ZC3H12B: variants seen among roughly 807,000 people sequenced by gnomAD.
ZC3H12B encodes probable ribonuclease ZC3H12B.
In ZC3H12B, 7 loss-of-function variants were observed where a neutral mutation model predicts 43.9. The observed-to-expected ratio is 0.16, with a 90% CI of 0.09 to 0.30. The LOEUF (loss-of-function observed/expected upper bound fraction) is 0.30. ZC3H12B is among the 10% of genes least tolerant of loss of function. The pLI is 1.00. For synonymous variants in ZC3H12B, 222 were observed against 241.7 expected, an observed-to-expected ratio of 0.92 and a Z score of 0.76; for missense variants, 475 against 670.2, an observed-to-expected ratio of 0.71 and a Z score of 3.22.
chrX:65,117,101 T>A, the ZC3H12B span, among the ~76,000 whole-genome samples: 5 of 111,876 alleles, frequency 4.5e-5, no homozygotes, highest in African/African-American at 1.6e-4. Context: ...GGTCAAATGG[T>A]ATGTCTAGTT....
the ZC3H12B span, among the ~76,000 whole-genome samples, chrX:65,296,381 G>A: frequency 9.0e-6 from 1 of 110,879 alleles, no homozygotes; most frequent in Non-Finnish European, 1.9e-5. Flanking sequence ...AGGGATAAAA[G>A]ACTACACATT....
the ZC3H12B span, among the ~76,000 whole-genome samples, chrX:65,174,483 C>A: frequency 7.1e-5 from 8 of 111,923 alleles, no homozygotes; most frequent in East Asian, 2.3e-3. Context: ...CCCACATCCA[C>A]CCCTTCCCCA....
the ZC3H12B span, among the ~76,000 whole-genome samples, chrX:65,057,355 C>T: frequency 9.0e-6 from 1 of 111,481 alleles, no homozygotes; most frequent in Non-Finnish European, 1.9e-5. Context: ...CTTAGTTTGG[C>T]TGGATATGAA....
the ZC3H12B span, among the ~76,000 whole-genome samples, chrX:65,267,187 TTTTC>T: frequency 1.4e-4 from 14 of 98,959 alleles, no homozygotes; most frequent in Non-Finnish European, 2.7e-4. Context: ...AGAGTATTTT[TTTTC>T]TTTCTTTCTT....
chrX:65,238,968 G>T, the ZC3H12B span, among the ~76,000 whole-genome samples: 1,533 of 111,473 alleles, frequency 0.014, 14 homozygotes, highest in Non-Finnish European at 0.019. Flanking sequence ...GATGTCAGGG[G>T]TTTTTTTATT....
At chrX:65,280,099 A>T in the ZC3H12B span, among the ~76,000 whole-genome samples, 1 of 112,237 alleles carries the variant, frequency 8.9e-6, no homozygotes, top group African/African-American at 3.2e-5. Flanking sequence ...GGACACAACA[A>T]AAAAGGAAAA....
the ZC3H12B span, among the ~76,000 whole-genome samples, chrX:65,106,484 G>C: frequency 4.5e-5 from 5 of 111,698 alleles, no homozygotes; most frequent in African/African-American, 1.6e-4. Flanking sequence ...AAGAAGACAA[G>C]ATCAGAGGAA....
chrX:65,243,642 T>A, the ZC3H12B span, among the ~76,000 whole-genome samples: 1 of 111,756 alleles, frequency 8.9e-6, no homozygotes, highest in African/African-American at 3.2e-5. Flanking sequence ...AGGATGAAAA[T>A]CAGTATATTC....
intron 3 of ZC3H12B, among the ~76,000 whole-genome samples, chrX:65,401,477 C>T (rs1484668400): frequency 8.9e-6 from 1 of 111,734 alleles, no homozygotes; most frequent in African/African-American, 3.3e-5. Context: ...TGCTCTGTAT[C>T]TCTAAGTAAA....
At chrX:65,173,918 G>T in the ZC3H12B span, among the ~76,000 whole-genome samples, 2 of 111,003 alleles carry the variant, frequency 1.8e-5, no homozygotes. Flanking sequence ...TTTGGATGGG[G>T]TTCTTATGTG....
the ZC3H12B span, among the ~76,000 whole-genome samples, chrX:65,058,497 C>T: frequency 3.6e-5 from 4 of 112,132 alleles, no homozygotes; most frequent in African/African-American, 1.3e-4. Flanking sequence ...CTCGGGGGTG[C>T]CTCCCAGTTA....
the ZC3H12B span, among the ~76,000 whole-genome samples, chrX:65,089,050 A>G: frequency 8.9e-6 from 1 of 111,961 alleles, no homozygotes; most frequent in Non-Finnish European, 1.9e-5. Flanking sequence ...TTATGGAACA[A>G]ACTTTTTAGT....
the ZC3H12B span, among the ~76,000 whole-genome samples, chrX:65,167,813 A>T: frequency 2.9e-4 from 32 of 111,594 alleles, no homozygotes; most frequent in South Asian, 0.012. Flanking sequence ...TGTGAATGTG[A>T]GTTCACTCAT....
chrX:65,324,369 T>A, the ZC3H12B span, among the ~76,000 whole-genome samples: 1 of 111,459 alleles, frequency 9.0e-6, no homozygotes, highest in African/African-American at 3.2e-5. Context: ...GTTTCTTCTT[T>A]TTTTCTATTC....
chrX:65,491,200 C>T (rs2068197532), intron 1 of ZC3H12B, among the ~76,000 whole-genome samples: 1 of 111,707 alleles, frequency 9.0e-6, no homozygotes, highest in Admixed American at 9.5e-5. Flanking sequence ...GATTCTGTGC[C>T]AGATTCTTTT....
At chrX:65,073,077 G>C in the ZC3H12B span, among the ~76,000 whole-genome samples, 1 of 112,384 alleles carries the variant, frequency 8.9e-6, no homozygotes, top group African/African-American at 3.2e-5. Flanking sequence ...TGATATGAGT[G>C]GTGCTGACAG....
chrX:65,286,160 C>A, the ZC3H12B span, among the ~76,000 whole-genome samples: 1 of 111,732 alleles, frequency 8.9e-6, no homozygotes, highest in Non-Finnish European at 1.9e-5. Flanking sequence ...ATGGAATCAA[C>A]CTAGATGCCC....
the ZC3H12B span, among the ~76,000 whole-genome samples, chrX:65,235,354 CTGT>C: frequency 8.9e-6 from 1 of 112,040 alleles, no homozygotes; most frequent in African/African-American, 3.2e-5. Flanking sequence ...TCACCAGCAT[CTGT>C]TGTTTTTTGA....
the ZC3H12B span, among the ~76,000 whole-genome samples, chrX:65,158,896 A>G: frequency 8.9e-6 from 1 of 111,760 alleles, no homozygotes; most frequent in South Asian, 3.7e-4. Context: ...TAGGGTTTTT[A>G]TGGTTTTAGG....
Sources: gnomAD v4.1 joint callset for allele counts (sites outside exome capture counted in the v4.1 genomes callset) on GRCh38, gnomAD v4.1.1 for gene constraint, MANE v1.5 for transcripts, NCBI Gene and HGNC (gene_info 2026-07-23, HGNC 2026-07-21) for gene names.